ZNF770: variants seen among roughly 807,000 people sequenced by gnomAD.
The protein encoded by ZNF770 is zinc finger protein 770.
A neutral mutation model predicts 44.8 loss-of-function variants in ZNF770; 13 were observed. The observed-to-expected ratio is 0.29, with a 90% CI of 0.19 to 0.46. ZNF770 has a LOEUF of 0.46. ZNF770 is among the 20% of genes least tolerant of loss of function. ZNF770 has a pLI of 1.00. For missense variants in ZNF770, 681 were observed against 797.9 expected (o/e 0.85, Z 1.77); for synonymous variants, 304 against 271.8 (o/e 1.12, Z -1.17).
At position 34,983,246 on chromosome 15, in the gene ZNF770, G is replaced by C; in HGVS notation, c.189C>G (p.Thr63=). The change falls in exon 3 of 3, where the codon ACC becomes ACG. Residue 63 remains threonine, a synonymous_variant. Coordinates refer to ENST00000356321, the MANE Select transcript of ZNF770 (RefSeq NM_014106.4). ...KPFECDVCHK[T]FRQLVHLERH... ...TCTCCAGATGAACTAGTTGTCTAAA[G>C]GTTTTATGACACACATCACATTCAA... The C allele has an allele frequency of 6.2e-7, 1 of 1,612,934 alleles. No individual in the cohort carries two copies. Among genetic ancestry groups the C allele is most frequent in the Non-Finnish European group, 8.5e-7 (1 of 1,179,158 alleles).
chr15:34,983,371 G>T lies in ZNF770; in HGVS notation c.64C>A (p.Pro22Thr). ...IQQCVVANKL[P>T]RNRPYVCNIC... Reference sequence around the variant, plus strand: ...TTGCAAACATATGGCCTGTTTCTAGGTAGTTTGTTGGCTACCACACACTGT... The same window carrying T: ...TTGCAAACATATGGCCTGTTTCTAGTTAGTTTGTTGGCTACCACACACTGT... The change falls in exon 3 of 3, where the codon CCT becomes ACT. Residue 22 changes from proline (P) to threonine (T), a missense_variant. Coordinates refer to ENST00000356321, the MANE Select transcript of ZNF770 (RefSeq NM_014106.4). 6.2e-7 allele frequency: 1 copy of T among 1,602,068 alleles called. No individual in the cohort carries two copies. Among genetic ancestry groups the T allele is most frequent in the Non-Finnish European group, 8.5e-7 (1 of 1,173,952 alleles).
Position 34,979,495 on chromosome 15 carries a change from C to T in ZNF770, c.*1864G>A, listed in dbSNP as rs1305077658. The T allele has an allele frequency of 3.4e-6, 1 of 293,222 alleles. No homozygotes were observed. Among genetic ancestry groups the T allele is most frequent in the Non-Finnish European group, 6.8e-6 (1 of 147,552 alleles). The allele number at this position is 293,222 out of a possible 1,614,324, so 18.2% of individuals were successfully genotyped here. ...AGTGTTCTTTAAAGCATGTGATTCT[C>T]CTGTTTTTGCTGGATGTCTGTATCT... On this transcript the variant is annotated 3_prime_UTR_variant, in exon 3 of 3. Transcript: ENST00000356321.
chr15:34,987,291 A>G (rs556255246), intron 2 of ZNF770, among the ~76,000 whole-genome samples: 28 of 152,316 alleles, frequency 1.8e-4, no homozygotes, highest in African/African-American at 6.0e-4. Flanking sequence ...GGAGCCCTAG[A>G]TTGTTAGAAC....
In ZNF770 at chr15:34,978,562, G is replaced by T. The variant is rs192031482; in HGVS notation, c.*2797C>A. Reference sequence around the variant, plus strand: ...ATCACTCAAACAAAAAATTCTTCTAGTTCTCTTTAAAGATATTTATCGTTT... The same window carrying T: ...ATCACTCAAACAAAAAATTCTTCTATTTCTCTTTAAAGATATTTATCGTTT... On this transcript the variant is annotated 3_prime_UTR_variant, in exon 3 of 3. Coordinates refer to ENST00000356321, the MANE Select transcript of ZNF770 (RefSeq NM_014106.4). 6.6e-6 allele frequency: 1 copy of T among 152,002 alleles called. No individual in the cohort carries two copies. The highest frequency in any genetic ancestry group is 2.4e-5 in the African/African-American group (1 of 41,340). 9.4% of individuals were successfully genotyped at this position (152,002 alleles called of 1,614,324 possible).
intron 2 of ZNF770, 68 bp from the exon 3 acceptor site, chr15:34,983,558 G>T: frequency 1.1e-6 from 1 of 887,614 alleles, no homozygotes; most frequent in Non-Finnish European, 1.5e-6. Context: ...AACTTAAGTT[G>T]TTCTTTGGCT....
At chr15:34,984,559 G>T (rs1021092227) in intron 2 of ZNF770, among the ~76,000 whole-genome samples, 8 of 151,428 alleles carry the variant, frequency 5.3e-5, no homozygotes, top group African/African-American at 1.9e-4. Flanking sequence ...TCAGGAGGCT[G>T]AGGCAGGAGA....
chr15:34,984,211 T>C (rs2050420825), intron 2 of ZNF770, among the ~76,000 whole-genome samples: 2 of 152,310 alleles, frequency 1.3e-5, no homozygotes, highest in South Asian at 4.1e-4. Context: ...ATAATGTATA[T>C]GAATGTGCTA....
Position 34,981,947 on chromosome 15 carries a change from A to G in ZNF770, c.1488T>C (p.Ile496=). The G allele has an allele frequency of 6.2e-7, 1 of 1,614,018 alleles. No homozygotes were observed. Among genetic ancestry groups the G allele is most frequent in the Non-Finnish European group, 8.5e-7 (1 of 1,179,998 alleles). ...SISKLKRHYL[I]HTGQRPFGCN... ...AGCCAAAGGGCCTCTGTCCAGTATG[A>G]ATTAAATAGTGTCTTTTTAGTTTGG... Residue 496 remains isoleucine (I), a synonymous_variant, in exon 3 of 3, where the codon ATT becomes ATC. Coordinates refer to ENST00000356321, the MANE Select transcript of ZNF770 (RefSeq NM_014106.4).
In ZNF770 at chr15:34,979,587, T is replaced by C. The variant is rs1269963583; in HGVS notation, c.*1772A>G. On this transcript the variant is annotated 3_prime_UTR_variant, in exon 3 of 3. Coordinates refer to ENST00000356321, the MANE Select transcript of ZNF770 (RefSeq NM_014106.4). The stretch of plus-strand genomic sequence containing the variant: ...CTCAGACTGTCATGTTTCATCTCTG[T>C]AAATTAAACCCAAGTTACTTAAAAA... 6.7e-6 allele frequency: 3 copies of C among 444,520 alleles called. No homozygotes were observed. The highest frequency in any genetic ancestry group is 1.3e-5 in the Non-Finnish European group (3 of 222,478). The allele number at this position is 444,520 out of a possible 1,614,324, so 27.5% of individuals were successfully genotyped here.
rs199568096 is a variant in ZNF770 at position 34,983,414 on chromosome 15, T to A, written c.21A>T (p.Leu7Phe). The change falls in exon 3 of 3, where the codon TTA (leucine) becomes TTT (phenylalanine). Residue 7 changes from leucine to phenylalanine, a missense_variant. Coordinates refer to ENST00000356321, the MANE Select transcript of ZNF770 (RefSeq NM_014106.4). MMAENN[L>F]KMLKIQQCVV... ...CACACTGTTGAATCTTTAGCATTTT[T>A]AAATTGTTTTCAGCCATCATATTCT... The A allele has an allele frequency of 9.0e-5, 141 of 1,558,988 alleles. No homozygotes were observed. The highest frequency in any genetic ancestry group is 2.3e-4 in the Admixed American group (12 of 53,238).
chr15:34,979,479 T>C lies in ZNF770; in HGVS notation c.*1880A>G, dbSNP rs1346882948. The C allele has an allele frequency of 3.6e-6, 1 of 280,818 alleles. No individual in the cohort carries two copies. The highest frequency in any genetic ancestry group is 2.9e-5 in the South Asian group (1 of 34,208). The allele number at this position is 280,818 out of a possible 1,614,324, so 17.4% of individuals were successfully genotyped here. On this transcript the variant is annotated 3_prime_UTR_variant, in exon 3 of 3. Transcript: ENST00000356321. ...AGGAAACCTAAGAGAAAGTGTTCTT[T>C]AAAGCATGTGATTCTCCTGTTTTTG...
Position 34,981,986 on chromosome 15 carries a change from T to C in ZNF770, c.1449A>G (p.Val483=), listed in dbSNP as rs2050404782. 6.2e-7 allele frequency: 1 copy of C among 1,613,830 alleles called. No homozygotes were observed. Residue 483 remains valine (V), a synonymous_variant, in exon 3 of 3, where the codon GTA becomes GTG. Coordinates refer to ENST00000356321, the MANE Select transcript of ZNF770 (RefSeq NM_014106.4). ...TTTTTAGTTTGGATATAGAAGGAAA[T>C]ACCTTCTCACATTTGTCACAAGGAC... ...KICPCDKCEK[V]FPSISKLKRH...
chr15:34,982,313 A>G lies in ZNF770; in HGVS notation c.1122T>C (p.Gly374=), dbSNP rs2050407942. ...TCTGGGTTTGTTCAGAGCTCTGCTC[A>G]CCAGAAATAAGATCACAATTTCTCA... The part of the protein sequence containing the change: ...SFLRNCDLIS[G]EQSSEQTQRT... The change falls in exon 3 of 3, where the codon GGT becomes GGC. Residue 374 remains glycine, a synonymous_variant. Transcript: ENST00000356321. 2 of 1,610,856 alleles carry G rather than the reference A, an allele frequency of 1.2e-6. No individual in the cohort carries two copies. Among genetic ancestry groups the G allele is most frequent in the Admixed American group, 1.7e-5 (1 of 59,246 alleles).
chr15:34,987,421 AT>A (rs2050442079), intron 2 of ZNF770, 135 bp downstream of exon 2: 1 of 145,434 alleles, frequency 6.9e-6, no homozygotes, highest in Non-Finnish European at 1.5e-5. Flanking sequence ...TAACATAAAA[AT>A]AAAAAAGACT....
rs2050390887 is a variant in ZNF770 at position 34,980,108 on chromosome 15, A to G, written c.*1251T>C. ...AACTAGACCTAGTCATTGCCATTTG[A>G]TCAAACTTAGAACAGGCTTAAATAA... On this transcript the variant is annotated 3_prime_UTR_variant, in exon 3 of 3. Transcript: ENST00000356321. 1 of 155,332 alleles carries G rather than the reference A, an allele frequency of 6.4e-6. No homozygotes were observed. Among genetic ancestry groups the G allele is most frequent in the African/African-American group, 2.4e-5 (1 of 41,470 alleles). The allele number at this position is 155,332 out of a possible 1,614,324, so 9.6% of individuals were successfully genotyped here.
rs541312990 is a variant in ZNF770, at chr15:34,982,166, A to G, written c.1269T>C (p.Leu423=). The change falls in exon 3 of 3, where the codon CTT becomes CTC. Residue 423 remains leucine (L), a synonymous_variant. Coordinates refer to ENST00000356321, the MANE Select transcript of ZNF770 (RefSeq NM_014106.4). The stretch of plus-strand genomic sequence containing the variant: ...CAATGCTTAATATGTTTTCTGTCGT[A>G]AGGATGCCTTTCAAATTTTTTCCCA... ...QNMGKNLKGI[L]TTENILSIDN... 1.2e-6 allele frequency: 2 copies of G among 1,613,162 alleles called. No individual in the cohort carries two copies. The highest frequency in any genetic ancestry group is 4.5e-5 in the East Asian group (2 of 44,860).
chr15:34,984,158 T>C (rs1191734217), intron 2 of ZNF770, among the ~76,000 whole-genome samples: 1 of 152,186 alleles, frequency 6.6e-6, no homozygotes, highest in Non-Finnish European at 1.5e-5. Context: ...AAAGGTCTCC[T>C]GGATTGTCTA....
chr15:34,987,872 G>A (rs927131983), intron 1 of ZNF770, among the ~76,000 whole-genome samples, 199 bp from the exon 2 acceptor site: 1 of 152,120 alleles, frequency 6.6e-6, no homozygotes, highest in Non-Finnish European at 1.5e-5. Flanking sequence ...GTCGAGCCGA[G>A]TCCAGAAACC....
chr15:34,982,117 A>G lies in ZNF770; in HGVS notation c.1318T>C (p.Leu440=), dbSNP rs367594701. The change falls in exon 3 of 3, where the codon TTG becomes CTG. Residue 440 remains leucine, a synonymous_variant. Transcript: ENST00000356321. ...TCACCTGATGAACCACAGATTGACAAGTCTTTCTTATTCACTGAATTATCA... is the reference window on the plus strand; with the variant it reads ...TCACCTGATGAACCACAGATTGACAGGTCTTTCTTATTCACTGAATTATCA... ...SIDNSVNKKD[L]SICGSSGEEF... is the part of the protein sequence containing the mutation. 6.2e-7 allele frequency: 1 copy of G among 1,613,916 alleles called. No homozygotes were observed. Among genetic ancestry groups the G allele is most frequent in the African/African-American group, 1.3e-5 (1 of 74,940 alleles).
Sources: gnomAD v4.1 joint callset for allele counts (sites outside exome capture counted in the v4.1 genomes callset) on GRCh38, gnomAD v4.1.1 for gene constraint, MANE v1.5 for transcripts, NCBI Gene and HGNC (gene_info 2026-07-23, HGNC 2026-07-21) for gene names.